The following HIBCH variants were observed in gnomAD, a reference collection of about 807,000 sequenced individuals.
HIBCH encodes 3-hydroxyisobutyryl-CoA hydrolase.
A neutral mutation model predicts 58.2 loss-of-function variants in HIBCH; 50 were observed. The ratio of observed to expected loss-of-function variants is 0.86; its 90% CI spans 0.68 to 1.09. The LOEUF is 1.09. Ranked by LOEUF, HIBCH falls within the 50% of genes least tolerant of loss-of-function variation. The pLI is 0.00. For missense variants in HIBCH, 450 were observed against 449.7 expected, an observed-to-expected ratio of 1.00 and a Z score of -0.01; for synonymous variants, 151 against 146.9, an observed-to-expected ratio of 1.03 and a Z score of -0.20.
Position 190,252,264 on chromosome 2 carries a change from G to C in HIBCH, c.561C>G (p.Leu187=). ...CAAGGAAGTAACCAAGTTTTCCTTGGAGTCGTGGCAAGAAATAACCTCCAC... is the reference window on the plus strand; with the variant it reads ...CAAGGAAGTAACCAAGTTTTCCTTGCAGTCGTGGCAAGAAATAACCTCCAC... ...DVGGGYFLPR[L]QGKLGYFLAL... The change falls in exon 8 of 14, where the codon CTC becomes CTG. Residue 187 remains leucine, a synonymous_variant. Coordinates refer to ENST00000359678, the MANE Select transcript of HIBCH (RefSeq NM_014362.4). 1 of 1,613,380 alleles carries C rather than the reference G, an allele frequency of 6.2e-7. No individual in the cohort carries two copies. Among genetic ancestry groups the C allele is most frequent in the Non-Finnish European group, 8.5e-7 (1 of 1,179,444 alleles).
Position 190,246,610 on chromosome 2 carries a change from A to G in HIBCH, c.751-398T>C, listed in dbSNP as rs531562033. Reference sequence around the variant, plus strand: ...TGCAGCTGTGACCTTCAGGGAGAGAAAGCACCTCTCAAGGAGGAGTTCACA... The same window carrying G: ...TGCAGCTGTGACCTTCAGGGAGAGAGAGCACCTCTCAAGGAGGAGTTCACA... On this transcript the variant is annotated intron_variant, in intron 9 of 13. Transcript: ENST00000359678. Among the ~76,000 whole-genome samples the G allele has an allele frequency of 3.9e-5, 6 of 152,338 alleles. No homozygotes were observed. In the South Asian group the frequency reaches 1.0e-3, roughly 26 times the overall value.
At chr2:190,223,499 G>C (rs1434468546) in intron 11 of HIBCH, among the ~76,000 whole-genome samples, 2 of 152,148 alleles carry the variant, frequency 1.3e-5, no homozygotes. Context: ...TAGGCGTGAA[G>C]AAAAACAGAG....
intron 11 of HIBCH, 181 bp from the exon 12 acceptor site, chr2:190,213,256 C>A: frequency 1.7e-6 from 1 of 575,052 alleles, no homozygotes; most frequent in South Asian, 2.1e-5. Context: ...AAAAACAAAA[C>A]ATCATTCCAC....
intron 11 of HIBCH, among the ~76,000 whole-genome samples, chr2:190,229,248 G>C (rs1686017670): frequency 2.6e-5 from 4 of 152,164 alleles, no homozygotes; most frequent in Admixed American, 2.6e-4. Context: ...ATTAAAAACA[G>C]AACTGATATT....
chr2:190,275,088 G>A (rs778679268), intron 6 of HIBCH, among the ~76,000 whole-genome samples: 2 of 152,162 alleles, frequency 1.3e-5, no homozygotes, highest in Non-Finnish European at 2.9e-5. Flanking sequence ...AGCATCTTAA[G>A]AGCATTTTGA....
At chr2:190,319,167 G>A (rs993659142) in intron 1 of HIBCH, among the ~76,000 whole-genome samples, 1 of 152,150 alleles carries the variant, frequency 6.6e-6, no homozygotes, top group Non-Finnish European at 1.5e-5. Flanking sequence ...GCGCAGTGAG[G>A]GGTACTTTCA....
chr2:190,316,751 C>G (rs1299963786), intron 1 of HIBCH, among the ~76,000 whole-genome samples: 1 of 152,108 alleles, frequency 6.6e-6, no homozygotes, highest in Non-Finnish European at 1.5e-5. Flanking sequence ...AGAAAACAAC[C>G]TAAAAGAGCA....
chr2:190,263,490 T>TA (rs1559041295), intron 6 of HIBCH, among the ~76,000 whole-genome samples: 4 of 152,284 alleles, frequency 2.6e-5, no homozygotes, highest in Non-Finnish European at 5.9e-5. Flanking sequence ...GTCATCCTTC[T>TA]ACTCCACTTC....
chr2:190,241,075 CA>C (rs1180570621), intron 11 of HIBCH, among the ~76,000 whole-genome samples: 1 of 152,078 alleles, frequency 6.6e-6, no homozygotes, highest in African/African-American at 2.4e-5. Context: ...GTAGGGTGTT[CA>C]AAGTCTCTCA....
intron 11 of HIBCH, among the ~76,000 whole-genome samples, chr2:190,235,302 C>T (rs1289764653): frequency 1.3e-5 from 2 of 152,184 alleles, no homozygotes; most frequent in African/African-American, 4.8e-5. Flanking sequence ...GCACTTGGGA[C>T]ATGACTGCCC....
chr2:190,270,039 G>A (rs1687346325), intron 6 of HIBCH, among the ~76,000 whole-genome samples: 1 of 152,110 alleles, frequency 6.6e-6, no homozygotes, highest in Non-Finnish European at 1.5e-5. Flanking sequence ...GACACAGGGA[G>A]GGGAACATCA....
chr2:190,246,968 C>G (rs1575721992), intron 9 of HIBCH, among the ~76,000 whole-genome samples: 1 of 151,794 alleles, frequency 6.6e-6, no homozygotes, highest in African/African-American at 2.4e-5. Context: ...CCTATGATTG[C>G]AGCTGATTCA....
intron 6 of HIBCH, among the ~76,000 whole-genome samples, chr2:190,263,270 C>A (rs1252746275): frequency 1.3e-5 from 2 of 152,186 alleles, no homozygotes; most frequent in African/African-American, 4.8e-5. Flanking sequence ...CTCCCCCAAA[C>A]CTACCAAACC....
At chr2:190,268,725 A>G (rs1472785175) in intron 6 of HIBCH, among the ~76,000 whole-genome samples, 1 of 152,254 alleles carries the variant, frequency 6.6e-6, no homozygotes, top group Non-Finnish European at 1.5e-5. Flanking sequence ...AGATATTACT[A>G]TTCTAGACAA....
chr2:190,287,160 C>T (rs1160717718), intron 6 of HIBCH, among the ~76,000 whole-genome samples: 2 of 152,120 alleles, frequency 1.3e-5, no homozygotes, highest in East Asian at 1.9e-4. Flanking sequence ...CTCCTGGGTT[C>T]AAGCGATTAT....
At chr2:190,280,865 C>G (rs1407374228) in intron 6 of HIBCH, 1 of 152,196 alleles carries the variant, frequency 6.6e-6, no homozygotes, top group Non-Finnish European at 1.5e-5. Context: ...TCCAAGAATA[C>G]TTTACATCCT....
rs1690601036 is a variant in HIBCH, at chr2:190,215,168, TA to T, written c.892-2094del. On this transcript the variant is annotated intron_variant, in intron 11 of 13. Transcript: ENST00000359678. This position sits in a 1 kb window ranked among gnomAD's most constrained non-coding sequence, Gnocchi z 4.4. ...AGATCAATTTTTAGGACCCAATTTT[TA>T]TACTTAGGCTGAGATGATGTCAATC... is the stretch of plus-strand genomic sequence containing the variant. 1 of 152,222 alleles carries T rather than the reference TA, an allele frequency of 6.6e-6. No individual in the cohort carries two copies. Among genetic ancestry groups the T allele is most frequent in the Non-Finnish European group, 1.5e-5 (1 of 68,062 alleles). 9.4% of individuals were successfully genotyped at this position (152,222 alleles called of 1,614,324 possible).
rs1483263350 is a variant in HIBCH, at chr2:190,239,883, T to C, written c.891+5004A>G. Among the ~76,000 whole-genome samples the C allele has an allele frequency of 3.9e-5, 6 of 152,104 alleles. No individual in the cohort carries two copies. In the South Asian group the frequency reaches 6.2e-4, roughly 16 times the overall value. On this transcript the variant is annotated intron_variant, in intron 11 of 13. Coordinates refer to ENST00000359678, the MANE Select transcript of HIBCH (RefSeq NM_014362.4). ...CAGGCGGGTCTCGAACTCCTGAACT[T>C]GAGTGATCTGCCCGCTTCGGCCTCC...
chr2:190,207,864 G>A lies in HIBCH; in HGVS notation c.1045+1016C>T, dbSNP rs1483545816. On this transcript the variant is annotated intron_variant, in intron 13 of 13. Transcript: ENST00000359678. The surrounding 1 kb of genome is among the most constrained non-coding windows in gnomAD (Gnocchi z 4.5). ...CCACTGCACTCCAGCCTGGGTGACAGTGTGAGACCCTGTCTCCAAAAAAAA... is the reference window on the plus strand; with the variant it reads ...CCACTGCACTCCAGCCTGGGTGACAATGTGAGACCCTGTCTCCAAAAAAAA... Among the ~76,000 whole-genome samples, 4 of 151,412 alleles carry A rather than the reference G, an allele frequency of 2.6e-5. No homozygotes were observed. Among genetic ancestry groups the A allele is most frequent in the Admixed American group, 6.6e-5 (1 of 15,164 alleles).
Sources: gnomAD v4.1 joint callset for allele counts (sites outside exome capture counted in the v4.1 genomes callset) on GRCh38, gnomAD v4.1.1 for gene constraint, Gnocchi (gnomAD v3.1) non-coding constraint, MANE v1.5 for transcripts, NCBI Gene and HGNC (gene_info 2026-07-23, HGNC 2026-07-21) for gene names.